The following ZC2HC1C variants were observed in gnomAD, a reference collection of about 807,000 sequenced individuals.
ZC2HC1C encodes zinc finger C2HC domain-containing protein 1C.
In ZC2HC1C, 25 loss-of-function variants were observed where a neutral mutation model predicts 39.2. The ratio of observed to expected loss-of-function variants is 0.64; its 90% CI spans 0.47 to 0.89. The LOEUF is 0.89. Ranked by LOEUF, ZC2HC1C falls within the 40% of genes least tolerant of loss-of-function variation. The pLI is 0.00. For missense variants in ZC2HC1C, 519 were observed against 548.6 expected, an observed-to-expected ratio of 0.95 and a Z score of 0.54; for synonymous variants, 209 against 214.4, an observed-to-expected ratio of 0.97 and a Z score of 0.22.
rs4899544 is a variant in ZC2HC1C, at chr14:75,079,853, C to T, written c.*2289C>T. ...TACCACAGGCACTTGGATTTGGGAT[C>T]GCTGGATGTTAGTAAGGTCATAGAT... is the stretch of plus-strand genomic sequence containing the variant. On this transcript the variant is annotated 3_prime_UTR_variant, in exon 3 of 3. Coordinates refer to ENST00000524913, the MANE Select transcript of ZC2HC1C (RefSeq NM_024643.4). 0.44 allele frequency: 67,619 copies of T among 152,034 alleles called. 16,416 individuals carry two copies. Among genetic ancestry groups the T allele is most frequent in the East Asian group, 0.84 (4,320 of 5,172 alleles). The allele number at this position is 152,034 out of a possible 1,614,324, so 9.4% of individuals were successfully genotyped here.
chr14:75,071,562 G>C lies in ZC2HC1C; in HGVS notation c.989G>C (p.Arg330Thr), dbSNP rs1437082233. Residue 330 changes from arginine (R) to threonine (T), a missense_variant, in exon 2 of 3, where the codon AGG becomes ACG. Physicochemically the swap from Arg to Thr is moderately conservative, Grantham distance 71 (BLOSUM62 -1). Coordinates refer to ENST00000524913, the MANE Select transcript of ZC2HC1C (RefSeq NM_024643.4). ...AGAATCCAGAGGCTCAAAAGGGAAAGGCTGGTAGCAAGCAATAATAAAATT... is the reference window on the plus strand; with the variant it reads ...AGAATCCAGAGGCTCAAAAGGGAAACGCTGGTAGCAAGCAATAATAAAATT... ...DYRIQRLKRE[R>T]LVASNNKIRD... 1 of 1,614,168 alleles carries C rather than the reference G, an allele frequency of 6.2e-7. No homozygotes were observed. The highest frequency in any genetic ancestry group is 2.2e-5 in the East Asian group (1 of 44,888).
intron 2 of ZC2HC1C, among the ~76,000 whole-genome samples, chr14:75,075,136 G>A (rs114828988): frequency 0.01 from 1,522 of 151,948 alleles, 20 homozygotes; most frequent in African/African-American, 0.032. Flanking sequence ...TTTCTCCCCC[G>A]CAACGATCCA....
chr14:75,078,002 T>A lies in ZC2HC1C; in HGVS notation c.*438T>A, dbSNP rs901644620. On this transcript the variant is annotated 3_prime_UTR_variant, in exon 3 of 3. Transcript: ENST00000524913. ...TTCCCACTAAATTACAACCTTGGGC[T>A]GGTATGCTTTATGTTATTGCCCTCA... 1.6e-5 allele frequency: 3 copies of A among 190,762 alleles called. No individual in the cohort carries two copies. The South Asian group carries it at 3.2e-4, about 20-fold the overall frequency. 11.8% of individuals were successfully genotyped at this position (190,762 alleles called of 1,614,324 possible). A position where few individuals can be genotyped will look rare whatever the true frequency, so the allele number is the denominator to read the frequency against.
intron 2 of ZC2HC1C, chr14:75,073,463 G>A: frequency 1.6e-6 from 1 of 626,124 alleles, no homozygotes; most frequent in Non-Finnish European, 2.5e-6. Flanking sequence ...CCAGCTTTAT[G>A]GCAACTAGTT....
chr14:75,076,536 G>A (rs1484984561), intron 2 of ZC2HC1C, among the ~76,000 whole-genome samples: 3 of 152,148 alleles, frequency 2.0e-5, no homozygotes, highest in Non-Finnish European at 4.4e-5. Flanking sequence ...CCAAAGTGCT[G>A]GGATTACAGG....
chr14:75,072,608 C>T (rs1032076182), intron 2 of ZC2HC1C, among the ~76,000 whole-genome samples: 2 of 152,158 alleles, frequency 1.3e-5, no homozygotes, highest in Non-Finnish European at 2.9e-5. Flanking sequence ...GTAAGGGTTT[C>T]GTGACACTTA....
Position 75,077,961 on chromosome 14 carries a change from A to C in ZC2HC1C, c.*397A>C, listed in dbSNP as rs1893757180. On this transcript the variant is annotated 3_prime_UTR_variant, in exon 3 of 3. Transcript: ENST00000524913. ...GAGCCACTGCTAAGCAGCAGGAGGC[A>C]GAAGGAAGCCCCAGCTTCCCACTAA... The C allele has an allele frequency of 1.5e-5, 3 of 205,952 alleles. No individual in the cohort carries two copies. Among genetic ancestry groups the C allele is most frequent in the Non-Finnish European group, 3.0e-5 (3 of 101,612 alleles). 12.8% of individuals were successfully genotyped at this position (205,952 alleles called of 1,614,324 possible). A position where few individuals can be genotyped will look rare whatever the true frequency, so the allele number is the denominator to read the frequency against.
Position 75,077,641 on chromosome 14 carries a change from C to A in ZC2HC1C, c.*77C>A. 1.9e-6 allele frequency: 3 copies of A among 1,572,570 alleles called. No homozygotes were observed. The South Asian group carries it at 3.4e-5, about 18-fold the overall frequency. ...GTAACTGCCAAAGGTGGAAACTGTT[C>A]ACACTTGCCTCCCATCCTGCCTGCA... On this transcript the variant is annotated 3_prime_UTR_variant, in exon 3 of 3. Transcript: ENST00000524913.
chr14:75,077,632 G>A lies in ZC2HC1C; in HGVS notation c.*68G>A, dbSNP rs985052328. On this transcript the variant is annotated 3_prime_UTR_variant, in exon 3 of 3. Coordinates refer to ENST00000524913, the MANE Select transcript of ZC2HC1C (RefSeq NM_024643.4). The stretch of plus-strand genomic sequence containing the variant: ...GTCCAGCAGGTAACTGCCAAAGGTG[G>A]AAACTGTTCACACTTGCCTCCCATC... 85 of 1,598,184 alleles carry A rather than the reference G, an allele frequency of 5.3e-5. No homozygotes were observed. The highest frequency in any genetic ancestry group is 6.8e-5 in the Non-Finnish European group (79 of 1,167,298).
At chr14:75,073,587 G>T (rs1893524138) in intron 2 of ZC2HC1C, 1 of 1,289,186 alleles carries the variant, frequency 7.8e-7, no homozygotes. Context: ...GCCTTTGGAA[G>T]CTGAGTGGTT....
Position 75,071,081 on chromosome 14 carries a change from C to G in ZC2HC1C, c.508C>G (p.Pro170Ala), listed in dbSNP as rs775223639. 6.9e-5 allele frequency: 111 copies of G among 1,614,064 alleles called. No individual in the cohort carries two copies. Among genetic ancestry groups the G allele is most frequent in the Non-Finnish European group, 9.3e-5 (110 of 1,180,054 alleles). Reference protein sequence around the residue: ...DHNVYPRPPEPREFSSRNFGV... With the variant: ...DHNVYPRPPEAREFSSRNFGV... ...TAATGTCTACCCAAGGCCCCCTGAG[C>G]CGAGAGAGTTTTCATCTAGGAACTT... The change falls in exon 2 of 3, where the codon CCG (proline) becomes GCG (alanine). Residue 170 changes from proline to alanine, a missense_variant. Pro to Ala is a conservative substitution (Grantham distance 27). Transcript: ENST00000524913.
chr14:75,072,007 T>C, intron 2 of ZC2HC1C, 96 bp downstream of exon 2: 1 of 1,476,858 alleles, frequency 6.8e-7, no homozygotes, highest in Non-Finnish European at 9.0e-7. Flanking sequence ...TCATGTGTCA[T>C]GTAGGAAGAA....
Position 75,071,064 on chromosome 14 carries a change from ACCCAAGGCC to A in ZC2HC1C, c.495_503del (p.Arg166_Pro168del). ...GGCACTGATGGGGACCATAATGTCT[ACCCAAGGCC>A]CCCTGAGCCGAGAGAGTTTTCATCT... On this transcript the variant is annotated inframe_deletion, in exon 2 of 3. Transcript: ENST00000524913. The A allele has an allele frequency of 6.2e-7, 1 of 1,614,122 alleles. No homozygotes were observed. Among genetic ancestry groups the A allele is most frequent in the Non-Finnish European group, 8.5e-7 (1 of 1,180,026 alleles).
intron 2 of ZC2HC1C, among the ~76,000 whole-genome samples, chr14:75,072,186 G>A (rs1893459489): frequency 6.6e-6 from 1 of 152,154 alleles, no homozygotes; most frequent in Admixed American, 6.5e-5. Context: ...GGCAGAGTCG[G>A]CATATAAATC....
At position 75,079,215 on chromosome 14, in the gene ZC2HC1C, C is replaced by CAAAA. The variant is rs66560922; in HGVS notation, c.*1668_*1671dup. ...CTGGTGACCTAGTGAGACTCCATCT[C>CAAAA]AAAAAAAAAAAAAAAAAAAAGAAAA... On this transcript the variant is annotated 3_prime_UTR_variant, in exon 3 of 3. Coordinates refer to ENST00000524913, the MANE Select transcript of ZC2HC1C (RefSeq NM_024643.4). 1.3e-4 allele frequency: 11 copies of CAAAA among 85,200 alleles called. No homozygotes were observed. The highest frequency in any genetic ancestry group is 3.3e-4 in the East Asian group (1 of 3,076). 5.3% of individuals were successfully genotyped at this position (85,200 alleles called of 1,614,324 possible).
intron 2 of ZC2HC1C, chr14:75,073,618 T>C: frequency 7.8e-7 from 1 of 1,289,358 alleles, no homozygotes; most frequent in Non-Finnish European, 1.0e-6. Context: ...GTCATTCCTC[T>C]AGAGTACTCA....
rs1446995988 is a variant in ZC2HC1C, at chr14:75,071,524, G to A, written c.951G>A (p.Gln317=). 4 of 1,614,076 alleles carry A rather than the reference G, an allele frequency of 2.5e-6. No individual in the cohort carries two copies. Among genetic ancestry groups the A allele is most frequent in the Non-Finnish European group, 2.5e-6 (3 of 1,179,996 alleles). ...CTCAACAAAATTCAGGTCCATTCCA[G>A]TTCTCTGATTATAGAATCCAGAGGC... The part of the protein sequence containing the change: ...GRSQQNSGPF[Q]FSDYRIQRLK... Residue 317 remains glutamine, a synonymous_variant, in exon 2 of 3, where the codon CAG becomes CAA. Coordinates refer to ENST00000524913, the MANE Select transcript of ZC2HC1C (RefSeq NM_024643.4).
rs374331651 is a variant in ZC2HC1C, at chr14:75,077,828, G to A, written c.*264G>A. 10 of 457,036 alleles carry A rather than the reference G, an allele frequency of 2.2e-5. No individual in the cohort carries two copies. The highest frequency in any genetic ancestry group is 1.8e-4 in the South Asian group (6 of 32,952). The allele number at this position is 457,036 out of a possible 1,614,324, so 28.3% of individuals were successfully genotyped here. A position where few individuals can be genotyped will look rare whatever the true frequency, so the allele number is the denominator to read the frequency against. On this transcript the variant is annotated 3_prime_UTR_variant, in exon 3 of 3. Transcript: ENST00000524913. ...ACAATGGAAACTTTTGGATAGTTCAGAAAGCTCTGCTTCTCTTCAGCAGTA... is the reference window on the plus strand; with the variant it reads ...ACAATGGAAACTTTTGGATAGTTCAAAAAGCTCTGCTTCTCTTCAGCAGTA...
At chr14:75,072,023 G>T in intron 2 of ZC2HC1C, 112 bp downstream of exon 2, 2 of 1,417,380 alleles carry the variant, frequency 1.4e-6, no homozygotes. Flanking sequence ...AAGAATTGAC[G>T]TCTAGAATTA....
Sources: gnomAD v4.1 joint callset for allele counts (sites outside exome capture counted in the v4.1 genomes callset) on GRCh38, gnomAD v4.1.1 for gene constraint, MANE v1.5 for transcripts, NCBI Gene and HGNC (gene_info 2026-07-23, HGNC 2026-07-21) for gene names.